ADGRL2: variants seen among roughly 807,000 people sequenced by gnomAD.
The protein encoded by ADGRL2 is calcium-independent alpha-latrotoxin receptor 2.
ADGRL2 carries 44 observed loss-of-function variants against 157.4 expected under a neutral mutation model. The observed-to-expected ratio is 0.28, with a 90% CI of 0.22 to 0.36. The LOEUF (loss-of-function observed/expected upper bound fraction) is 0.36. Ranked by LOEUF, ADGRL2 falls within the 10% of genes least tolerant of loss-of-function variation. ADGRL2 has a pLI of 1.00. For synonymous variants in ADGRL2, 585 were observed against 624.7 expected, an observed-to-expected ratio of 0.94 and a Z score of 0.95; for missense variants, 1,510 against 1,768.9, an observed-to-expected ratio of 0.85 and a Z score of 2.63.
At chr1:81,426,417 A>G in intron 1 of ADGRL2, 1 of 360,850 alleles carries the variant, frequency 2.8e-6, no homozygotes, top group South Asian at 2.2e-5. Context: ...TACTCAGTAG[A>G]TAGTGAACTC....
intron 1 of ADGRL2, among the ~76,000 whole-genome samples, chr1:81,747,289 A>ATG (rs1397694526): frequency 1.3e-4 from 19 of 147,834 alleles, no homozygotes; most frequent in African/African-American, 4.2e-4. Flanking sequence ...ATGTGCATAC[A>ATG]TGTGTATATA....
chr1:81,375,248 A>G (rs1306955265), intron 1 of ADGRL2, among the ~76,000 whole-genome samples: 1 of 152,232 alleles, frequency 6.6e-6, no homozygotes, highest in Non-Finnish European at 1.5e-5. Context: ...AGAAAACTTC[A>G]TAGAGGAGGT....
chr1:81,390,695 T>C (rs2076529612), intron 1 of ADGRL2, among the ~76,000 whole-genome samples: 1 of 152,310 alleles, frequency 6.6e-6, no homozygotes, highest in South Asian at 2.1e-4. Flanking sequence ...TATGGCAATT[T>C]GATCTTCTCT....
chr1:81,823,397 C>T lies in ADGRL2; in HGVS notation c.-100-13488C>T, dbSNP rs528025999. 1.8e-3 allele frequency among the ~76,000 whole-genome samples: 246 copies of T among 138,144 alleles called. 4 individuals are homozygous for T. The highest frequency in any genetic ancestry group is 6.3e-3 in the African/African-American group (236 of 37,418). The allele number at this position is 138,144 out of a possible 152,430, so 90.6% of individuals were successfully genotyped here. ...CCCCTCCCTCTTTCCTTCCCTCCCC[C>T]TCTTCCTGTCTCCCTCCTTCCCCCT... On this transcript the variant is annotated intron_variant, in intron 1 of 23. Transcript: ENST00000686636.
intron 3 of ADGRL2, among the ~76,000 whole-genome samples, chr1:81,622,473 C>G (rs1202720128): frequency 3.9e-5 from 6 of 152,182 alleles, no homozygotes; most frequent in Non-Finnish European, 5.9e-5. Flanking sequence ...CCCAGCTACT[C>G]AGGAGCCTGA....
intron 1 of ADGRL2, among the ~76,000 whole-genome samples, chr1:81,396,863 T>C (rs905956348): frequency 2.0e-5 from 3 of 152,214 alleles, no homozygotes; most frequent in African/African-American, 7.2e-5. Flanking sequence ...CATGTGCTGC[T>C]GAATTTGGGT....
intron 1 of ADGRL2, among the ~76,000 whole-genome samples, chr1:81,322,113 C>CATATATATATATATATATATATATAT (rs1345847160): frequency 1.2e-4 from 14 of 112,086 alleles, no homozygotes; most frequent in Non-Finnish European, 2.2e-4. Context: ...TATATATACA[C>CATATATATATATATATATATATATAT]ATATATATAT....
upstream of ADGRL2, among the ~76,000 whole-genome samples, chr1:81,800,147 A>G (rs2087826701): frequency 6.6e-6 from 1 of 152,172 alleles, no homozygotes; most frequent in South Asian, 2.1e-4. Context: ...CTTGAGAGTA[A>G]AGAGCCTTGT....
chr1:81,616,087 G>A (rs6670446), intron 3 of ADGRL2, among the ~76,000 whole-genome samples: 56,948 of 139,738 alleles, frequency 0.41, 11,416 homozygotes, highest in African/African-American at 0.51. Context: ...AGCCTCATTC[G>A]CTGGCACCAC....
intron 2 of ADGRL2, chr1:81,503,472 G>T: frequency 2.5e-6 from 4 of 1,611,348 alleles, no homozygotes; most frequent in Non-Finnish European, 3.4e-6. Context: ...CCCTCTGATG[G>T]GCAGGACCCA....
intron 2 of ADGRL2, among the ~76,000 whole-genome samples, chr1:81,843,910 C>G (rs573780094): frequency 6.6e-6 from 1 of 151,884 alleles, no homozygotes; most frequent in African/African-American, 2.4e-5. Flanking sequence ...TCTTTTGCCT[C>G]TTTTTCATTT....
upstream of ADGRL2, among the ~76,000 whole-genome samples, chr1:81,800,666 C>T (rs2087905360): frequency 6.6e-6 from 1 of 152,056 alleles, no homozygotes. Context: ...ATACTCTTCA[C>T]CCACTCCAGA....
chr1:81,582,597 A>C (rs988801263), intron 3 of ADGRL2, among the ~76,000 whole-genome samples: 2 of 144,866 alleles, frequency 1.4e-5, no homozygotes, highest in African/African-American at 5.0e-5. Context: ...AATTGCACTC[A>C]AAAAAAAAAA....
intron 3 of ADGRL2, among the ~76,000 whole-genome samples, chr1:81,679,933 C>G (rs534959650): frequency 2.0e-4 from 31 of 152,166 alleles, no homozygotes; most frequent in Non-Finnish European, 3.7e-4. Flanking sequence ...TCAGTCTTTT[C>G]ATCAACTGAG....
Position 81,952,072 on chromosome 1 carries a change from A to G in ADGRL2, c.1724A>G (p.Asp575Gly). The G allele has an allele frequency of 6.2e-7, 1 of 1,613,746 alleles. No homozygotes were observed. ...GTGAGATTGATGGAGCAGTTGGTGG[A>G]CATCCTTGATGCACAGCTGCAGGAA... ...SSVRLMEQLV[D>G]ILDAQLQELK... Residue 575 changes from aspartate to glycine, a missense_variant, in exon 9 of 24, where the codon GAC becomes GGC. By Grantham distance (94) the Asp-to-Gly change is moderately conservative. Around this residue, in one of 4 missense-constraint regions of ADGRL2, gnomAD observed 325 missense variants for 333.2 expected, o/e 0.98. Coordinates refer to ENST00000686636, the MANE Select transcript of ADGRL2 (RefSeq NM_001366006.2).
At chr1:81,738,722 C>G (rs1298518553) in intron 1 of ADGRL2, among the ~76,000 whole-genome samples, 1 of 152,194 alleles carries the variant, frequency 6.6e-6, no homozygotes, top group Non-Finnish European at 1.5e-5. Flanking sequence ...TCTTCCTACC[C>G]CCGTTTTCCA....
At chr1:81,470,279 G>A (rs915306537) in intron 2 of ADGRL2, among the ~76,000 whole-genome samples, 1 of 152,168 alleles carries the variant, frequency 6.6e-6, no homozygotes, top group Non-Finnish European at 1.5e-5. Context: ...AAGAGTGGCT[G>A]CTGCCCTTTG....
Position 81,397,251 on chromosome 1 carries a change from G to T in ADGRL2, c.-301-47785G>T, listed in dbSNP as rs544737682. 5.3e-5 allele frequency among the ~76,000 whole-genome samples: 8 copies of T among 150,862 alleles called. No homozygotes were observed. In the East Asian group the frequency reaches 1.6e-3, roughly 29 times the overall value. ...CTAGGTTCTCCAACATGTTGGCACA[G>T]AGCTATTCATAATGGTTTCTAATGA... On this transcript the variant is annotated intron_variant, in intron 1 of 24. Coordinates refer to the ADGRL2 transcript ENST00000370721.
chr1:81,758,057 A>T (rs2085749440), intron 1 of ADGRL2, among the ~76,000 whole-genome samples: 1 of 152,328 alleles, frequency 6.6e-6, no homozygotes, highest in African/African-American at 2.4e-5. Flanking sequence ...ATTACTTTAT[A>T]TTTATAACCT....
Sources: gnomAD v4.1 joint callset for allele counts (sites outside exome capture counted in the v4.1 genomes callset) on GRCh38, gnomAD v4.1.1 for gene constraint, gnomAD v4.1.1 regional missense constraint, MANE v1.5 for transcripts, NCBI Gene and HGNC (gene_info 2026-07-23, HGNC 2026-07-21) for gene names.